The following ANKRD55 variants were observed in gnomAD, a reference collection of about 807,000 sequenced individuals.
ANKRD55 encodes ankyrin repeat domain 55.
ANKRD55 carries 41 observed loss-of-function variants against 60.6 expected under a neutral mutation model. The observed-to-expected ratio is 0.68, with a 90% CI of 0.53 to 0.88. The LOEUF (loss-of-function observed/expected upper bound fraction) is 0.88. ANKRD55 is among the 40% of genes least tolerant of loss of function. ANKRD55 has a pLI of 0.00. For synonymous variants in ANKRD55, 264 were observed against 290.3 expected, an observed-to-expected ratio of 0.91 and a Z score of 0.92; for missense variants, 732 against 767.6, an observed-to-expected ratio of 0.95 and a Z score of 0.55.
intron 6 of ANKRD55, among the ~76,000 whole-genome samples, chr5:56,144,832 C>T (rs567554073): frequency 1.3e-5 from 2 of 152,190 alleles, no homozygotes; most frequent in South Asian, 4.2e-4. Context: ...AAAGAGCCAG[C>T]GTTATCTGAA....
intron 3 of ANKRD55, among the ~76,000 whole-genome samples, chr5:56,179,587 T>A (rs1266667327): frequency 6.6e-6 from 1 of 152,154 alleles, no homozygotes; most frequent in African/African-American, 2.4e-5. Context: ...TGCAGGAAGG[T>A]AGCCTCAGCA....
At position 56,100,151 on chromosome 5, in the gene ANKRD55, T is replaced by C. The variant is rs375983584; in HGVS notation, c.*32A>G. 4 of 1,613,944 alleles carry C rather than the reference T, an allele frequency of 2.5e-6. No homozygotes were observed. In the African/African-American group the frequency reaches 5.3e-5, roughly 22 times the overall value. On this transcript the variant is annotated 3_prime_UTR_variant, in exon 12 of 12. Transcript: ENST00000341048. ...TCCTTTGAGAGTTGAAAATACATATTCATCTACATTTCTGCAGCGAGTGGC... is the reference window on the plus strand; with the variant it reads ...TCCTTTGAGAGTTGAAAATACATATCCATCTACATTTCTGCAGCGAGTGGC...
intron 8 of ANKRD55, among the ~76,000 whole-genome samples, chr5:56,117,190 A>G (rs1756909529): frequency 6.6e-6 from 1 of 152,148 alleles, no homozygotes; most frequent in South Asian, 2.1e-4. Context: ...ATCTTTGTCC[A>G]TTTTGGTAGG....
rs11348393 is a variant in ANKRD55 at position 56,110,529 on chromosome 5, A to AT, written c.1630+588dup. The stretch of plus-strand genomic sequence containing the variant: ...CTCTGGAAGGATAAACAAAAAATGC[A>AT]TTTTTTTTTTTTTTGACATTTAGCT... On this transcript the variant is annotated intron_variant, in intron 10 of 11. Transcript: ENST00000341048. The AT allele has an allele frequency of 6.9e-3, 1,006 of 146,446 alleles. 11 individuals carry two copies. The highest frequency in any genetic ancestry group is 0.026 in the East Asian group (128 of 4,944). 9.1% of individuals were successfully genotyped at this position (146,446 alleles called of 1,614,324 possible). A position where few individuals can be genotyped will look rare whatever the true frequency, so the allele number is the denominator to read the frequency against.
At chr5:56,157,975 G>A (rs537719155) in intron 6 of ANKRD55, among the ~76,000 whole-genome samples, 35 of 152,146 alleles carry the variant, frequency 2.3e-4, no homozygotes, top group South Asian at 4.1e-4. Flanking sequence ...TCACTCACAA[G>A]TTTGAGACCA....
At chr5:56,126,143 GATAAAATAAA>G (rs200972488) in intron 8 of ANKRD55, among the ~76,000 whole-genome samples, 8 of 151,540 alleles carry the variant, frequency 5.3e-5, no homozygotes, top group Non-Finnish European at 7.4e-5. Context: ...CAAAAAAATA[GATAAAATAAA>G]ATAAAATAAA....
chr5:56,208,712 C>T lies in ANKRD55; in HGVS notation c.58+24144G>A, dbSNP rs893241630. Among the ~76,000 whole-genome samples the T allele has an allele frequency of 5.3e-5, 8 of 152,238 alleles. 1 individual carries two copies. The highest frequency in any genetic ancestry group is 4.1e-4 in the South Asian group (2 of 4,820). ...GTGCTGGATTACAGGCGTGAGCCAC[C>T]GCGCCCAGTCCTGTGTGTGCTTTTT... On this transcript the variant is annotated intron_variant, in intron 2 of 11. Coordinates refer to ENST00000341048, the MANE Select transcript of ANKRD55 (RefSeq NM_024669.3).
chr5:56,186,105 G>A (rs67832941), intron 2 of ANKRD55, among the ~76,000 whole-genome samples: 12,694 of 152,218 alleles, frequency 0.083, 824 homozygotes, highest in African/African-American at 0.18. Flanking sequence ...GTATCAGCTT[G>A]CACTGACCAG....
At chr5:56,109,876 G>T (rs1207260328) in intron 10 of ANKRD55, among the ~76,000 whole-genome samples, 2 of 152,016 alleles carry the variant, frequency 1.3e-5, no homozygotes, top group African/African-American at 4.8e-5. Context: ...GAATTAGCTG[G>T]GTGTGGTGGC....
chr5:56,135,290 G>GTT (rs1757544282), intron 7 of ANKRD55, among the ~76,000 whole-genome samples: 15 of 69,330 alleles, frequency 2.2e-4, no homozygotes, highest in African/African-American at 8.3e-4. Flanking sequence ...CTGCCTGCCT[G>GTT]CTTGCTTTCT....
At chr5:56,108,755 G>A (rs1756574663) in intron 10 of ANKRD55, among the ~76,000 whole-genome samples, 1 of 152,008 alleles carries the variant, frequency 6.6e-6, no homozygotes, top group Non-Finnish European at 1.5e-5. Context: ...AAAACATATT[G>A]CAGCTGGGCA....
At chr5:56,175,709 C>T (rs184208787) in intron 4 of ANKRD55, among the ~76,000 whole-genome samples, 45 of 152,206 alleles carry the variant, frequency 3.0e-4, no homozygotes, top group African/African-American at 1.1e-3. Flanking sequence ...CCTCCCACCA[C>T]CTTCCCCAGT....
chr5:56,218,506 T>A (rs2111885004), intron 2 of ANKRD55, among the ~76,000 whole-genome samples: 1 of 152,330 alleles, frequency 6.6e-6, no homozygotes, highest in Admixed American at 6.5e-5. Context: ...AAGGCTCAGA[T>A]GATCGTTAGC....
At chr5:56,176,430 C>G (rs1758741347) in intron 3 of ANKRD55, 148 bp from the exon 4 acceptor site, 2 of 824,888 alleles carry the variant, frequency 2.4e-6, no homozygotes, top group Admixed American at 2.7e-5. Context: ...CTGATTGTTG[C>G]TACATCTCTA....
At chr5:56,154,200 C>CAAAAAAAAA (rs367809782) in intron 6 of ANKRD55, among the ~76,000 whole-genome samples, 1 of 64,318 alleles carries the variant, frequency 1.6e-5, no homozygotes, top group Non-Finnish European at 2.6e-5. Flanking sequence ...GACTCTGTCT[C>CAAAAAAAAA]AAAAAAAAAA....
chr5:56,120,985 A>G (rs1757031637), intron 8 of ANKRD55, among the ~76,000 whole-genome samples: 1 of 151,956 alleles, frequency 6.6e-6, no homozygotes, highest in African/African-American at 2.4e-5. Context: ...ACCTTGCTTC[A>G]CTAGCAGAGA....
At chr5:56,108,987 A>G (rs1419880618) in intron 10 of ANKRD55, among the ~76,000 whole-genome samples, 12 of 151,888 alleles carry the variant, frequency 7.9e-5, no homozygotes, top group Non-Finnish European at 1.8e-4. Flanking sequence ...CAGTGAGCCG[A>G]GATCATGCCA....
chr5:56,200,852 T>C (rs1759347534), intron 2 of ANKRD55, among the ~76,000 whole-genome samples: 1 of 152,090 alleles, frequency 6.6e-6, no homozygotes, highest in African/African-American at 2.4e-5. Flanking sequence ...AAACACATCC[T>C]AGGGTCACCA....
chr5:56,204,965 G>T (rs1759464341), intron 2 of ANKRD55, among the ~76,000 whole-genome samples: 1 of 152,200 alleles, frequency 6.6e-6, no homozygotes, highest in Non-Finnish European at 1.5e-5. Flanking sequence ...GGTTTGTTTA[G>T]TCTGGAGCAG....
Sources: gnomAD v4.1 joint callset for allele counts (sites outside exome capture counted in the v4.1 genomes callset) on GRCh38, gnomAD v4.1.1 for gene constraint, MANE v1.5 for transcripts, NCBI Gene and HGNC (gene_info 2026-07-23, HGNC 2026-07-21) for gene names.